Variants in POMT2 observed in about 807,000 individuals in gnomAD.
POMT2 encodes protein O-mannosyl-transferase 2.
In POMT2, 75 loss-of-function variants were observed where a neutral mutation model predicts 100.0. The observed-to-expected ratio is 0.75, with a 90% confidence interval of 0.62 to 0.91. POMT2 has a LOEUF of 0.91. Among genes scored for constraint, POMT2 ranks in the 40% least tolerant of loss-of-function variants. The pLI, the probability that POMT2 is intolerant of heterozygous loss-of-function variation, is 0.00. For synonymous variants in POMT2, 378 were observed against 374.1 expected, an observed-to-expected ratio of 1.01 and a Z score of -0.12; for missense variants, 940 against 955.1, an observed-to-expected ratio of 0.98 and a Z score of 0.21.
chr14:77,296,122 A>C, intron 9 of POMT2, 42 bp downstream of exon 9: 2 of 1,440,268 alleles, frequency 1.4e-6, no homozygotes, highest in Admixed American at 3.9e-5. Context: ...TGTCATGGCG[A>C]ACAGCATTGC....
intron 6 of POMT2, chr14:77,300,813 C>CT (rs1156530893): frequency 7.6e-6 from 3 of 394,682 alleles, no homozygotes; most frequent in African/African-American, 6.4e-5. Context: ...GAGTGAAACT[C>CT]TATCTCAAAA....
At position 77,278,471 on chromosome 14, in the gene POMT2, C is replaced by T; in HGVS notation, c.2070G>A (p.Trp690Ter). The T allele has an allele frequency of 6.6e-7, 1 of 1,504,484 alleles. No homozygotes were observed. The highest frequency in any genetic ancestry group is 1.4e-5 in the African/African-American group (1 of 72,132). 93.2% of individuals were successfully genotyped at this position (1,504,484 alleles called of 1,614,324 possible). ...TCGCCAGGGGCCATGAGGCCAAGCC[C>T]CAGGCACAGAGCCGCAGGAGGGTGT... Reference protein sequence around the residue: ...LWDTLLRLCAWGLASWPLARG... With the variant: ...LWDTLLRLCA The change falls in exon 20 of 21, where the codon TGG becomes TGA. Residue 690 changes from tryptophan to a stop codon, truncating the protein, a stop_gained. Coordinates refer to ENST00000261534, the MANE Select transcript of POMT2 (RefSeq NM_013382.7). LOFTEE classifies it high-confidence loss of function.
intron 15 of POMT2, 24 bp from the exon 16 acceptor site, chr14:77,280,487 C>G: frequency 1.2e-6 from 2 of 1,614,114 alleles, no homozygotes; most frequent in Non-Finnish European, 1.7e-6. Flanking sequence ...GCAAAGAAAG[C>G]TAGTCAAGAC....
At chr14:77,285,752 G>A in intron 12 of POMT2, 120 bp from the exon 13 acceptor site, 1 of 1,193,392 alleles carries the variant, frequency 8.4e-7, no homozygotes, top group Non-Finnish European at 1.2e-6. Flanking sequence ...ACCAAATTAG[G>A]CTCAATGATA....
At chr14:77,310,602 A>G (rs570441562) in intron 2 of POMT2, among the ~76,000 whole-genome samples, 1 of 152,154 alleles carries the variant, frequency 6.6e-6, no homozygotes, top group South Asian at 2.1e-4. Context: ...TGCTTCCTTA[A>G]GCCCAACCAT....
intron 5 of POMT2, 69 bp downstream of exon 5, chr14:77,302,766 T>C: frequency 7.5e-7 from 1 of 1,325,638 alleles, no homozygotes; most frequent in Non-Finnish European, 1.1e-6. Flanking sequence ...GCCCTGGCCC[T>C]GGCCATTACA....
intron 2 of POMT2, 71 bp from the exon 3 acceptor site, chr14:77,306,512 C>T (rs1891235005): frequency 1.1e-5 from 17 of 1,558,636 alleles, no homozygotes; most frequent in African/African-American, 2.7e-5. Flanking sequence ...CTGAACTTCC[C>T]TCCAGCTGCA....
chr14:77,301,498 G>A (rs1365607414), intron 5 of POMT2, among the ~76,000 whole-genome samples: 1 of 152,154 alleles, frequency 6.6e-6, no homozygotes, highest in Non-Finnish European at 1.5e-5. Context: ...AGTGCTCCTG[G>A]CTAAGTACAG....
At chr14:77,295,578 G>A (rs1019342414) in intron 9 of POMT2, among the ~76,000 whole-genome samples, 1 of 144,872 alleles carries the variant, frequency 6.9e-6, no homozygotes, top group Non-Finnish European at 1.5e-5. Context: ...TTTGCAGTAA[G>A]CTGAGATCAC....
In POMT2 at chr14:77,299,569, C is replaced by G; in HGVS notation, c.817-8G>C. 6.2e-7 allele frequency: 1 copy of G among 1,612,578 alleles called. No individual in the cohort carries two copies. The highest frequency in any genetic ancestry group is 1.1e-5 in the South Asian group (1 of 91,052). ...GTGTTTTCCCACAGTCACCTGCAAA[C>G]AGAGGCCAGCGTGGGGTGCTAGGCA... On this transcript the variant is annotated splice_polypyrimidine_tract_variant and splice_region_variant and intron_variant, in intron 6 of 20. Transcript: ENST00000261534.
At chr14:77,291,233 T>G in intron 10 of POMT2, 81 bp downstream of exon 10, 1 of 1,367,446 alleles carries the variant, frequency 7.3e-7, no homozygotes, top group Non-Finnish European at 1.0e-6. Flanking sequence ...CTCAGGATCA[T>G]TCTTTTGCAG....
chr14:77,295,753 T>C (rs1890806437), intron 9 of POMT2, among the ~76,000 whole-genome samples: 1 of 152,000 alleles, frequency 6.6e-6, no homozygotes, highest in Non-Finnish European at 1.5e-5. Context: ...CCCAGGTCTG[T>C]GTTCATAAAT....
chr14:77,282,486 C>G (rs1890271310), intron 15 of POMT2, among the ~76,000 whole-genome samples: 1 of 152,202 alleles, frequency 6.6e-6, no homozygotes, highest in South Asian at 2.1e-4. Context: ...AATAAGAAAG[C>G]TCTCATTACT....
At position 77,274,961 on chromosome 14, in the gene POMT2, A is replaced by C. The variant is rs1338476448; in HGVS notation, c.*2415T>G. The C allele has an allele frequency of 6.6e-6, 1 of 152,238 alleles. No homozygotes were observed. Among genetic ancestry groups the C allele is most frequent in the African/African-American group, 2.4e-5 (1 of 41,456 alleles). The allele number at this position is 152,238 out of a possible 1,614,324, so 9.4% of individuals were successfully genotyped here. ...AGTACAAGGACAACAAGGCATTCAAAACAAGTGTTATTTATTATAAAATCA... is the reference window on the plus strand; with the variant it reads ...AGTACAAGGACAACAAGGCATTCAACACAAGTGTTATTTATTATAAAATCA... On this transcript the variant is annotated 3_prime_UTR_variant, in exon 21 of 21. Transcript: ENST00000261534.
At chr14:77,282,644 C>T (rs1173084603) in intron 15 of POMT2, among the ~76,000 whole-genome samples, 1 of 152,170 alleles carries the variant, frequency 6.6e-6, no homozygotes, top group Non-Finnish European at 1.5e-5. Flanking sequence ...GCCACAGTGA[C>T]AGCTACAAGC....
chr14:77,300,791 G>A, intron 6 of POMT2: 1 of 358,436 alleles, frequency 2.8e-6, no homozygotes, highest in Admixed American at 4.2e-5. Flanking sequence ...CTGCACTCCA[G>A]CCTGGGTAAC....
Position 77,277,325 on chromosome 14 carries a change from C to T in POMT2, c.*51G>A. Reference sequence around the variant, plus strand: ...CGGATGGTCCAGTACTGCTTCCCAGCTGGCTCTCCTGGGAAGTTCCTGGAC... The same window carrying T: ...CGGATGGTCCAGTACTGCTTCCCAGTTGGCTCTCCTGGGAAGTTCCTGGAC... On this transcript the variant is annotated 3_prime_UTR_variant, in exon 21 of 21. Transcript: ENST00000261534. The T allele has an allele frequency of 6.8e-7, 1 of 1,474,860 alleles. No homozygotes were observed. The allele number at this position is 1,474,860 out of a possible 1,614,324, so 91.4% of individuals were successfully genotyped here.
At chr14:77,280,110 A>G in intron 16 of POMT2, 30 bp from the exon 17 acceptor site, 9 of 1,613,658 alleles carry the variant, frequency 5.6e-6, no homozygotes, top group Non-Finnish European at 7.6e-6. Context: ...CTGCTGACCC[A>G]GGCCCAGCCC....
Position 77,280,463 on chromosome 14 carries a change from C to T in POMT2, c.1654G>A (p.Gly552Arg). The T allele has an allele frequency of 1.2e-6, 2 of 1,614,170 alleles. No homozygotes were observed. The highest frequency in any genetic ancestry group is 1.7e-6 in the Non-Finnish European group (2 of 1,180,034). Reference sequence around the variant, plus strand: ...TCCTTGGGTTTGAGGCCACTGTTCCCCTGCATGAAGGTAGCAAAGAAAGCT... The same window carrying T: ...TCCTTGGGTTTGAGGCCACTGTTCCTCTGCATGAAGGTAGCAAAGAAAGCT... ...LLESHMVMIR[G>R]NSGLKPKDNE... Residue 552 changes from glycine (G) to arginine (R), a missense_variant and splice_region_variant, in exon 16 of 21, where the codon GGG (glycine) becomes AGG (arginine). By Grantham distance (125) the Gly-to-Arg change is moderately radical (BLOSUM62 -2). Transcript: ENST00000261534.
Sources: gnomAD v4.1 joint callset for allele counts (sites outside exome capture counted in the v4.1 genomes callset) on GRCh38, gnomAD v4.1.1 for gene constraint, MANE v1.5 for transcripts, NCBI Gene and HGNC (gene_info 2026-07-23, HGNC 2026-07-21) for gene names.